INPP4B: variants seen among roughly 807,000 people sequenced by gnomAD.
The protein encoded by INPP4B is inositol polyphosphate-4-phosphatase type II B.
In INPP4B, 55 loss-of-function variants were observed where a neutral mutation model predicts 122.5. That is an observed-to-expected ratio of 0.45 (90% confidence interval 0.36 to 0.56). INPP4B has a LOEUF of 0.56. INPP4B is among the 20% of genes least tolerant of loss of function. The pLI, the probability that INPP4B is intolerant of heterozygous loss-of-function variation, is 0.00. For synonymous variants in INPP4B, 403 were observed against 388.7 expected (o/e 1.04, Z -0.43); for missense variants, 1,000 against 1,097.7 (o/e 0.91, Z 1.26).
At chr4:142,605,119 T>A (rs1740950848) in intron 2 of INPP4B, among the ~76,000 whole-genome samples, 1 of 151,726 alleles carries the variant, frequency 6.6e-6, no homozygotes, top group African/African-American at 2.4e-5. Context: ...GTATTTGGAG[T>A]CAACCTACCA....
intron 2 of INPP4B, among the ~76,000 whole-genome samples, chr4:142,628,302 A>G (rs375746560): frequency 6.8e-6 from 1 of 146,696 alleles, no homozygotes; most frequent in Admixed American, 6.9e-5. Flanking sequence ...TCAGTAAACT[A>G]TCACAAGAAC....
chr4:142,796,904 G>C (rs973114235), intron 1 of INPP4B, among the ~76,000 whole-genome samples: 1 of 145,478 alleles, frequency 6.9e-6, no homozygotes. Context: ...GTGTGTGTGT[G>C]TGTGTGTGTG....
At chr4:142,244,461 G>A (rs1726846980) in intron 11 of INPP4B, among the ~76,000 whole-genome samples, 1 of 151,392 alleles carries the variant, frequency 6.6e-6, no homozygotes, top group South Asian at 2.1e-4. Flanking sequence ...CATCATGCCC[G>A]GCTAATTATA....
At chr4:142,132,652 A>G (rs182339989) in intron 18 of INPP4B, among the ~76,000 whole-genome samples, 1 of 152,268 alleles carries the variant, frequency 6.6e-6, no homozygotes, top group Admixed American at 6.5e-5. Context: ...CTGTTGGTAC[A>G]CCAGATCTCA....
intron 7 of INPP4B, among the ~76,000 whole-genome samples, chr4:142,376,843 T>G (rs1187758894): frequency 6.6e-6 from 1 of 152,066 alleles, no homozygotes; most frequent in Non-Finnish European, 1.5e-5. Flanking sequence ...CTAATCCACA[T>G]GGTAATACGA....
intron 12 of INPP4B, among the ~76,000 whole-genome samples, chr4:142,213,298 G>A (rs549520978): frequency 6.6e-5 from 10 of 152,176 alleles, no homozygotes; most frequent in Admixed American, 2.6e-4. Context: ...ATCGTACCCC[G>A]GAGGAATGGT....
intron 2 of INPP4B, among the ~76,000 whole-genome samples, chr4:142,689,080 T>C (rs984004547): frequency 6.6e-6 from 1 of 152,198 alleles, no homozygotes; most frequent in South Asian, 2.1e-4. Context: ...TCAGAGAGAC[T>C]GATTTAAGTA....
chr4:142,641,838 A>G (rs1001517546), intron 2 of INPP4B, among the ~76,000 whole-genome samples: 5 of 152,134 alleles, frequency 3.3e-5, no homozygotes, highest in African/African-American at 9.7e-5. Context: ...CTGAGGAATC[A>G]CCACACTGAC....
rs761349112 is a variant in INPP4B, at chr4:142,208,880, G to A, written c.967+16C>T. On this transcript the variant is annotated intron_variant, in intron 13 of 25. Coordinates refer to ENST00000262992, the MANE Select transcript of INPP4B (RefSeq NM_001101669.3). ...ATGCAATTCACTTTGAGTAAGTAGA[G>A]AAATTGCTTCCACACCTGTTTCCTT... 5.5e-5 allele frequency: 84 copies of A among 1,516,894 alleles called. No individual in the cohort carries two copies. Among genetic ancestry groups the A allele is most frequent in the Middle Eastern group, 1.7e-4 (1 of 5,724 alleles). The allele number at this position is 1,516,894 out of a possible 1,614,324, so 94.0% of individuals were successfully genotyped here.
intron 5 of INPP4B, among the ~76,000 whole-genome samples, chr4:142,421,769 C>T (rs1327671270): frequency 1.3e-5 from 2 of 152,054 alleles, no homozygotes; most frequent in Non-Finnish European, 2.9e-5. Flanking sequence ...GGTCCAAATG[C>T]CTCTTCCTCT....
chr4:142,060,209 T>C (rs933644205), intron 25 of INPP4B, among the ~76,000 whole-genome samples: 3 of 152,194 alleles, frequency 2.0e-5, no homozygotes, highest in Non-Finnish European at 4.4e-5. Flanking sequence ...CAAAACCATT[T>C]ATTAATTAGC....
At chr4:142,701,739 C>T (rs1200011899) in intron 2 of INPP4B, among the ~76,000 whole-genome samples, 7 of 151,978 alleles carry the variant, frequency 4.6e-5, no homozygotes, top group African/African-American at 1.5e-4. Flanking sequence ...AGGACACAGT[C>T]GACTATGGAG....
intron 1 of INPP4B, among the ~76,000 whole-genome samples, chr4:142,776,846 T>C (rs369522479): frequency 2.6e-4 from 39 of 152,208 alleles, no homozygotes; most frequent in East Asian, 1.5e-3. Flanking sequence ...AAACCTGAGA[T>C]TAAGCTCTAG....
At chr4:142,185,272 C>A (rs1407613152) in intron 15 of INPP4B, among the ~76,000 whole-genome samples, 1 of 151,820 alleles carries the variant, frequency 6.6e-6, no homozygotes, top group Non-Finnish European at 1.5e-5. Flanking sequence ...CCAAAAGAAG[C>A]AAGTTTGAGA....
chr4:142,042,510 G>GTGTGTA (rs1553955762), intron 25 of INPP4B, among the ~76,000 whole-genome samples: 3,631 of 19,034 alleles, frequency 0.19, 165 homozygotes, highest in African/African-American at 0.23. Flanking sequence ...GCCAATTTAT[G>GTGTGTA]TGTGTGTGTA....
chr4:142,843,992 A>G (rs1031602373), intron 1 of INPP4B, among the ~76,000 whole-genome samples: 8 of 152,162 alleles, frequency 5.3e-5, no homozygotes, highest in African/African-American at 1.9e-4. Context: ...TCACACAACT[A>G]AAATATAATA....
At chr4:142,125,853 C>T (rs546696347) in intron 18 of INPP4B, among the ~76,000 whole-genome samples, 1 of 152,138 alleles carries the variant, frequency 6.6e-6, no homozygotes, top group East Asian at 1.9e-4. Flanking sequence ...TAGTGCCTAG[C>T]ATATAGTAAA....
In INPP4B at chr4:142,374,604, T is replaced by C. The variant is rs533570090; in HGVS notation, c.372+28334A>G. ...ATTTACTTTGGATCCTTCAGTTTTG[T>C]CAAGCTCATCAAAATCATCTTTTTA... On this transcript the variant is annotated intron_variant, in intron 7 of 25. Transcript: ENST00000262992. Among the ~76,000 whole-genome samples, 3 of 152,014 alleles carry C rather than the reference T, an allele frequency of 2.0e-5. No homozygotes were observed. In the South Asian group the frequency reaches 6.2e-4, roughly 32 times the overall value.
At chr4:142,534,250 G>T (rs953649939) in intron 2 of INPP4B, among the ~76,000 whole-genome samples, 1 of 152,070 alleles carries the variant, frequency 6.6e-6, no homozygotes, top group Non-Finnish European at 1.5e-5. Context: ...CAATTGCTGT[G>T]CTATGGTGGT....
Sources: allele counts gnomAD v4.1 joint callset (sites outside exome capture counted in the v4.1 genomes callset), GRCh38; gene constraint gnomAD v4.1.1; transcripts MANE v1.5; gene names NCBI Gene and HGNC (gene_info 2026-07-23, HGNC 2026-07-21).